PLCL1: variants seen among roughly 807,000 people sequenced by gnomAD.
PLCL1 encodes the protein phospholipase C like 1 (inactive), also known as inactive phospholipase C-like protein 1.
A neutral mutation model predicts 84.4 loss-of-function variants in PLCL1; 41 were observed. The ratio of observed to expected loss-of-function variants is 0.49; its 90% confidence interval spans 0.38 to 0.63. The LOEUF is 0.63. Ranked by LOEUF, PLCL1 falls within the 30% of genes least tolerant of loss-of-function variation. The pLI, the probability that PLCL1 is intolerant of heterozygous loss-of-function variation, is 0.00. For synonymous variants in PLCL1, 490 were observed against 488.3 expected, an observed-to-expected ratio of 1.00 and a Z score of -0.05; for missense variants, 1,206 against 1,367.8, an observed-to-expected ratio of 0.88 and a Z score of 1.87.
chr2:197,931,784 A>T (rs1047416869), intron 1 of PLCL1, among the ~76,000 whole-genome samples: 1 of 150,904 alleles, frequency 6.6e-6, no homozygotes, highest in African/African-American at 2.4e-5. Context: ...ATTCAGTGGG[A>T]AGCATAAAGG....
At chr2:197,940,561 G>A (rs1689139012) in intron 1 of PLCL1, among the ~76,000 whole-genome samples, 1 of 152,186 alleles carries the variant, frequency 6.6e-6, no homozygotes, top group African/African-American at 2.4e-5. Context: ...ACAACAGCTG[G>A]CTGCTTCCCA....
chr2:198,086,015 G>C lies in PLCL1; in HGVS notation c.2498G>C (p.Gly833Ala), dbSNP rs1029093865. 2 of 1,613,912 alleles carry C rather than the reference G, an allele frequency of 1.2e-6. No homozygotes were observed. The highest frequency in any genetic ancestry group is 1.7e-6 in the Non-Finnish European group (2 of 1,179,982). Residue 833 changes from glycine (G) to alanine (A), a missense_variant, in exon 2 of 6, where the codon GGT becomes GCT. Physicochemically the swap from Gly to Ala is moderately conservative, Grantham distance 60. Transcript: ENST00000428675. Reference protein sequence around the residue: ...YRHVPLRSFVGDIMEHVTLFV... With the variant: ...YRHVPLRSFVADIMEHVTLFV... Reference sequence around the variant, plus strand: ...CATGTTCCCCTGCGTTCTTTTGTGGGTGACATCATGGAGCACGTAACCCTT... The same window carrying C: ...CATGTTCCCCTGCGTTCTTTTGTGGCTGACATCATGGAGCACGTAACCCTT...
intron 5 of PLCL1, among the ~76,000 whole-genome samples, chr2:198,130,552 T>C (rs1347977493): frequency 6.6e-6 from 1 of 152,102 alleles, no homozygotes; most frequent in Non-Finnish European, 1.5e-5. Flanking sequence ...CCAGGCATTG[T>C]ACCTGGGAGG....
intron 1 of PLCL1, among the ~76,000 whole-genome samples, chr2:198,017,688 A>G (rs1315052448): frequency 1.3e-5 from 2 of 152,260 alleles, no homozygotes; most frequent in Non-Finnish European, 1.5e-5. Flanking sequence ...CAATAGGCAC[A>G]CATAAGAATG....
At chr2:197,886,454 T>TAAAAAAAAAAAAAAAAAAA (rs1687925468) in intron 1 of PLCL1, among the ~76,000 whole-genome samples, 1 of 90,532 alleles carries the variant, frequency 1.1e-5, no homozygotes, top group Non-Finnish European at 2.4e-5. Flanking sequence ...AAAAAAAAAG[T>TAAAAAAAAAAAAAAAAAAA]AAAATTCTTC....
chr2:198,131,669 C>T (rs1311286596), intron 5 of PLCL1, among the ~76,000 whole-genome samples: 1 of 152,182 alleles, frequency 6.6e-6, no homozygotes, highest in Non-Finnish European at 1.5e-5. Context: ...TCTTTCTATC[C>T]TTTTGACTGA....
chr2:197,805,042 C>T lies in PLCL1; in HGVS notation c.-58C>T. The T allele has an allele frequency of 1.4e-6, 2 of 1,415,168 alleles. No homozygotes were observed. Among genetic ancestry groups the T allele is most frequent in the Non-Finnish European group, 9.2e-7 (1 of 1,089,696 alleles). 87.7% of individuals were successfully genotyped at this position (1,415,168 alleles called of 1,614,324 possible). A position where few individuals can be genotyped will look rare whatever the true frequency, so the allele number is the denominator to read the frequency against. ...GCAGGAGCGCACCGGTGCCTAGCGG[C>T]TGGACTCCGCTGCCGGGCGTCCCGC... is the stretch of plus-strand genomic sequence containing the variant. On this transcript the variant is annotated 5_prime_UTR_variant, in exon 1 of 6. Coordinates refer to ENST00000428675, the MANE Select transcript of PLCL1 (RefSeq NM_006226.4). The surrounding 1 kb of genome is among the most constrained non-coding windows in gnomAD (Gnocchi z 4.0).
chr2:198,135,084 C>T (rs1326835385), intron 5 of PLCL1, among the ~76,000 whole-genome samples: 1 of 152,084 alleles, frequency 6.6e-6, no homozygotes, highest in Non-Finnish European at 1.5e-5. Context: ...GGGTTTGGGC[C>T]ATCCTCTGTC....
intron 2 of PLCL1, among the ~76,000 whole-genome samples, chr2:198,087,252 A>T (rs762400519): frequency 3.3e-5 from 5 of 152,196 alleles, no homozygotes; most frequent in African/African-American, 7.2e-5. Context: ...TTATTATTAG[A>T]GTAAAATTAG....
intron 1 of PLCL1, among the ~76,000 whole-genome samples, chr2:198,054,909 T>C (rs1047555020): frequency 4.6e-5 from 7 of 152,158 alleles, no homozygotes; most frequent in Non-Finnish European, 8.8e-5. Flanking sequence ...GAGAAATGAT[T>C]CCACATCTTT....
chr2:197,923,402 G>A (rs1164368809), intron 1 of PLCL1, among the ~76,000 whole-genome samples: 87 of 147,312 alleles, frequency 5.9e-4, no homozygotes, highest in Middle Eastern at 6.9e-3. Context: ...CTTCTCAGAC[G>A]GGGTGGTTGC....
At chr2:198,112,103 T>A (rs1574320878) in intron 5 of PLCL1, among the ~76,000 whole-genome samples, 1 of 152,038 alleles carries the variant, frequency 6.6e-6, no homozygotes, top group East Asian at 1.9e-4. Context: ...GAAAATAGAA[T>A]GAATTGACCA....
chr2:197,915,951 C>CAAT (rs1484386983), intron 1 of PLCL1, among the ~76,000 whole-genome samples: 3 of 152,164 alleles, frequency 2.0e-5, no homozygotes, highest in Non-Finnish European at 4.4e-5. Context: ...TAGCATCAGA[C>CAAT]AATATACCAG....
chr2:198,087,546 T>C (rs1692914828), intron 2 of PLCL1, among the ~76,000 whole-genome samples: 1 of 152,184 alleles, frequency 6.6e-6, no homozygotes, highest in Non-Finnish European at 1.5e-5. Flanking sequence ...TTTGAAAATG[T>C]TAATGCATTT....
At chr2:197,950,130 C>T (rs1347424535) in intron 1 of PLCL1, among the ~76,000 whole-genome samples, 6 of 152,150 alleles carry the variant, frequency 3.9e-5, no homozygotes, top group Non-Finnish European at 7.3e-5. Flanking sequence ...TTAGGGTTCT[C>T]TCTCTGTTAA....
chr2:197,833,783 A>G (rs946779713), intron 1 of PLCL1, among the ~76,000 whole-genome samples: 1 of 152,222 alleles, frequency 6.6e-6, no homozygotes, highest in Middle Eastern at 3.2e-3. Context: ...TCAAGTTACC[A>G]TTGACTTTCT....
chr2:197,975,152 A>C (rs1689949643), intron 1 of PLCL1, among the ~76,000 whole-genome samples: 1 of 149,376 alleles, frequency 6.7e-6, no homozygotes, highest in African/African-American at 2.4e-5. Context: ...CATCTCAAAA[A>C]AAAAAAAAAA....
chr2:198,142,765 C>T (rs979132105), intron 5 of PLCL1, among the ~76,000 whole-genome samples: 4 of 151,912 alleles, frequency 2.6e-5, no homozygotes, highest in African/African-American at 4.8e-5. Flanking sequence ...TCTCTATTAC[C>T]CTCACTTTCC....
At chr2:197,923,216 C>G (rs1297980610) in intron 1 of PLCL1, among the ~76,000 whole-genome samples, 1 of 145,620 alleles carries the variant, frequency 6.9e-6, no homozygotes, top group African/African-American at 2.5e-5. Context: ...GCTGACCCCC[C>G]ACCTCCCTCC....
Sources: allele counts gnomAD v4.1 joint callset (sites outside exome capture counted in the v4.1 genomes callset), GRCh38; gene constraint gnomAD v4.1.1; non-coding constraint Gnocchi (gnomAD v3.1); transcripts MANE v1.5; gene names NCBI Gene and HGNC (gene_info 2026-07-23, HGNC 2026-07-21).